NAALADL2: variants seen among roughly 807,000 people sequenced by gnomAD.
NAALADL2 encodes the protein inactive N-acetylated-alpha-linked acidic dipeptidase-like protein 2.
NAALADL2 carries 76 observed loss-of-function variants against 87.2 expected under a neutral mutation model. The observed-to-expected ratio is 0.87, with a 90% confidence interval of 0.72 to 1.05. The LOEUF (loss-of-function observed/expected upper bound fraction) is 1.05, where lower values mean the gene tolerates loss of function less well. Among genes scored for constraint, NAALADL2 ranks in the 50% least tolerant of loss-of-function variants. The pLI, the probability that NAALADL2 is intolerant of heterozygous loss-of-function variation, is 0.00. For missense variants in NAALADL2, 1,089 were observed against 945.8 expected (o/e 1.15, Z -1.99); for synonymous variants, 354 against 331.0 (o/e 1.07, Z -0.75).
At chr3:175,690,499 A>G (rs1454062475) in intron 11 of NAALADL2, among the ~76,000 whole-genome samples, 2 of 152,088 alleles carry the variant, frequency 1.3e-5, no homozygotes, top group African/African-American at 4.8e-5. Context: ...GTTTCATCTC[A>G]GTCATTCAGA....
At chr3:175,301,361 A>T (rs540715419) in intron 4 of NAALADL2, among the ~76,000 whole-genome samples, 2 of 152,266 alleles carry the variant, frequency 1.3e-5, no homozygotes, top group South Asian at 2.1e-4. Flanking sequence ...CCACCATGGC[A>T]CATATATACC....
At chr3:175,273,368 A>G (rs1342582885) in intron 4 of NAALADL2, among the ~76,000 whole-genome samples, 2 of 152,118 alleles carry the variant, frequency 1.3e-5, no homozygotes, top group East Asian at 3.8e-4. Flanking sequence ...AACCAAGGCA[A>G]TTTATCTTTC....
intron 1 of NAALADL2, among the ~76,000 whole-genome samples, chr3:174,497,747 A>C (rs943756461): frequency 5.9e-5 from 9 of 152,172 alleles, no homozygotes; most frequent in Non-Finnish European, 1.3e-4. Context: ...TGAATGAATA[A>C]ATGGTAGTTC....
intron 5 of NAALADL2, among the ~76,000 whole-genome samples, chr3:175,399,913 T>C (rs1023922744): frequency 6.6e-6 from 1 of 152,138 alleles, no homozygotes; most frequent in African/African-American, 2.4e-5. Context: ...ATCCAACTCT[T>C]TATGGTAATG....
At chr3:175,091,567 C>T (rs960679321) in intron 1 of NAALADL2, among the ~76,000 whole-genome samples, 3 of 151,918 alleles carry the variant, frequency 2.0e-5, no homozygotes, top group Admixed American at 2.0e-4. Context: ...ACAATCTTTT[C>T]TACTGTTTGA....
intron 2 of NAALADL2, among the ~76,000 whole-genome samples, chr3:174,706,006 T>A (rs1351546966): frequency 1.3e-5 from 2 of 152,230 alleles, no homozygotes; most frequent in African/African-American, 4.8e-5. Flanking sequence ...TCCACTTTTA[T>A]AATTTCTCTC....
chr3:175,609,473 G>A (rs1724283151), intron 10 of NAALADL2: 1 of 151,512 alleles, frequency 6.6e-6, no homozygotes, highest in Admixed American at 6.6e-5. Context: ...TTAAATCTTT[G>A]TAGTTAGCTT....
intron 2 of NAALADL2, among the ~76,000 whole-genome samples, chr3:174,664,050 A>G (rs1187327209): frequency 1.3e-5 from 2 of 152,026 alleles, no homozygotes; most frequent in African/African-American, 2.4e-5. Context: ...CGGCCTCCCA[A>G]TGTGTGGGGA....
At chr3:175,405,698 A>G (rs1712209359) in intron 5 of NAALADL2, among the ~76,000 whole-genome samples, 1 of 132,070 alleles carries the variant, frequency 7.6e-6, no homozygotes. Context: ...TGAACAATGA[A>G]TGAAAAGAAC....
intron 1 of NAALADL2, among the ~76,000 whole-genome samples, chr3:175,052,917 A>T (rs1755607621): frequency 6.6e-6 from 1 of 152,190 alleles, no homozygotes; most frequent in Non-Finnish European, 1.5e-5. Flanking sequence ...TGTTCAGACC[A>T]GCTTAACATA....
intron 2 of NAALADL2, among the ~76,000 whole-genome samples, chr3:175,163,198 G>T (rs1182007661): frequency 6.6e-6 from 1 of 151,988 alleles, no homozygotes; most frequent in African/African-American, 2.4e-5. Flanking sequence ...AGCAGAATAG[G>T]TTTGAATGGC....
At chr3:174,736,866 G>A (rs1373791985) in intron 2 of NAALADL2, among the ~76,000 whole-genome samples, 1 of 152,134 alleles carries the variant, frequency 6.6e-6, no homozygotes, top group African/African-American at 2.4e-5. Flanking sequence ...GCTTCCCTCA[G>A]CCCCCTCTCA....
intron 5 of NAALADL2, among the ~76,000 whole-genome samples, chr3:175,360,781 A>G (rs972614773): frequency 6.9e-6 from 1 of 144,704 alleles, no homozygotes; most frequent in Non-Finnish European, 1.5e-5. Context: ...ATGTTAATTC[A>G]TTCTTTTTTA....
chr3:175,766,861 T>C (rs1035317547), intron 13 of NAALADL2, among the ~76,000 whole-genome samples: 5 of 152,162 alleles, frequency 3.3e-5, no homozygotes, highest in African/African-American at 1.2e-4. Context: ...ATTTTCTAGA[T>C]TTTGAGTAGC....
At chr3:174,550,356 A>G (rs569282041) in intron 1 of NAALADL2, among the ~76,000 whole-genome samples, 1 of 152,132 alleles carries the variant, frequency 6.6e-6, no homozygotes, top group African/African-American at 2.4e-5. Flanking sequence ...TAATATTGGT[A>G]TAGTATCTAG....
chr3:174,552,651 C>G (rs189929210), intron 2 of NAALADL2, among the ~76,000 whole-genome samples: 1 of 151,842 alleles, frequency 6.6e-6, no homozygotes, highest in East Asian at 1.9e-4. Context: ...CCAAAATTAG[C>G]TGGATGTGGT....
intron 2 of NAALADL2, among the ~76,000 whole-genome samples, chr3:174,662,788 A>T (rs1020309085): frequency 7.2e-5 from 11 of 152,178 alleles, no homozygotes; most frequent in African/African-American, 2.2e-4. Context: ...GCATATGGCT[A>T]TGTTGGGTAT....
chr3:175,766,297 T>C (rs2150162681), intron 13 of NAALADL2, among the ~76,000 whole-genome samples: 1 of 152,278 alleles, frequency 6.6e-6, no homozygotes, highest in African/African-American at 2.4e-5. Context: ...TATACTATAC[T>C]TAAAATGTTT....
chr3:175,196,886 T>C (rs528968039), intron 2 of NAALADL2, among the ~76,000 whole-genome samples: 41 of 152,098 alleles, frequency 2.7e-4, no homozygotes, highest in Middle Eastern at 6.8e-3. Context: ...TTGTGTGTAA[T>C]GTCATGTATT....
Sources: gnomAD v4.1 joint callset for allele counts (sites outside exome capture counted in the v4.1 genomes callset) on GRCh38, gnomAD v4.1.1 for gene constraint, MANE v1.5 for transcripts, NCBI Gene and HGNC (gene_info 2026-07-23, HGNC 2026-07-21) for gene names.